Variants in DYNC1LI1 observed in about 807,000 individuals in gnomAD.
The protein encoded by DYNC1LI1 is cytoplasmic dynein 1 light intermediate chain 1.
Under a neutral mutation model 63.8 loss-of-function variants are expected in DYNC1LI1, and 19 were observed. The ratio of observed to expected loss-of-function variants is 0.30; its 90% CI spans 0.21 to 0.44. The LOEUF (loss-of-function observed/expected upper bound fraction) is 0.44. Ranked by LOEUF, DYNC1LI1 falls within the 20% of genes least tolerant of loss-of-function variation. The probability of loss-of-function intolerance (pLI) is 1.00; values close to 1 mark genes in which losing one functional copy is unlikely to be tolerated. For synonymous variants in DYNC1LI1, 225 were observed against 232.3 expected (o/e 0.97, Z 0.28); for missense variants, 565 against 630.2 (o/e 0.90, Z 1.11).
intron 2 of DYNC1LI1, among the ~76,000 whole-genome samples, chr3:32,567,146 G>A (rs1330229676): frequency 1.3e-5 from 2 of 152,192 alleles, no homozygotes; most frequent in African/African-American, 4.8e-5. Flanking sequence ...TCTCTCCCTT[G>A]CAGGAACTTC....
intron 2 of DYNC1LI1, among the ~76,000 whole-genome samples, chr3:32,561,490 G>GT (rs993913891): frequency 1.3e-5 from 2 of 151,996 alleles, no homozygotes; most frequent in African/African-American, 4.8e-5. Context: ...TTAGCCAGGC[G>GT]TGGTGGCACA....
In DYNC1LI1 at chr3:32,526,881, G is replaced by A; in HGVS notation, c.1490C>T (p.Ala497Val). Reference protein sequence around the residue: ...SGQKPVLDVHAELDRITRKPV... With the variant: ...SGQKPVLDVHVELDRITRKPV... ...TTTTCGTGTAATTCTGTCTAGTTCTGCATGAACATCTAAGACAGGCTTCTG... is the reference window on the plus strand; with the variant it reads ...TTTTCGTGTAATTCTGTCTAGTTCTACATGAACATCTAAGACAGGCTTCTG... Residue 497 changes from alanine (A) to valine (V), a missense_variant, in exon 13 of 13, where the codon GCA becomes GTA. Coordinates refer to ENST00000273130, the MANE Select transcript of DYNC1LI1 (RefSeq NM_016141.4). 1 of 1,613,622 alleles carries A rather than the reference G, an allele frequency of 6.2e-7. No individual in the cohort carries two copies.
At chr3:32,550,684 C>A (rs1698025178) in intron 2 of DYNC1LI1, among the ~76,000 whole-genome samples, 1 of 152,178 alleles carries the variant, frequency 6.6e-6, no homozygotes, top group African/African-American at 2.4e-5. Context: ...TATAAGGTAT[C>A]AGAATCACCT....
At chr3:32,544,447 C>A (rs1369300982) in intron 4 of DYNC1LI1, among the ~76,000 whole-genome samples, 1 of 152,090 alleles carries the variant, frequency 6.6e-6, no homozygotes, top group African/African-American at 2.4e-5. Context: ...ATATTAAAAC[C>A]TAGCACATCA....
intron 6 of DYNC1LI1, among the ~76,000 whole-genome samples, chr3:32,535,261 C>G (rs116148191): frequency 0.014 from 2,134 of 152,300 alleles, 44 homozygotes; most frequent in African/African-American, 0.049. Flanking sequence ...TGTATTAAAG[C>G]AGAGCCTAAC....
At chr3:32,536,163 T>C (rs1697771314) in intron 6 of DYNC1LI1, among the ~76,000 whole-genome samples, 1 of 152,206 alleles carries the variant, frequency 6.6e-6, no homozygotes, top group South Asian at 2.1e-4. Flanking sequence ...TTTCTTTAAG[T>C]GGTCCTTAAA....
intron 5 of DYNC1LI1, among the ~76,000 whole-genome samples, chr3:32,538,061 AATTTATTAT>A (rs1436010874): frequency 5.3e-5 from 4 of 75,864 alleles, no homozygotes; most frequent in Admixed American, 4.6e-4. Flanking sequence ...ATATATATAT[AATTTATTAT>A]ATATATATAT....
chr3:32,526,732 G>T lies in DYNC1LI1; in HGVS notation c.*67C>A. The T allele has an allele frequency of 1.6e-6, 2 of 1,224,660 alleles. No homozygotes were observed. The highest frequency in any genetic ancestry group is 2.4e-6 in the Non-Finnish European group (2 of 841,348). 75.9% of individuals were successfully genotyped at this position (1,224,660 alleles called of 1,614,324 possible). On this transcript the variant is annotated 3_prime_UTR_variant, in exon 13 of 13. Coordinates refer to ENST00000273130, the MANE Select transcript of DYNC1LI1 (RefSeq NM_016141.4). ...ACTCCAGCTTTCTAATTCCACTTTT[G>T]AAGGAAAAGGCAGAGGCATGTTTAC...
At chr3:32,558,205 C>CG (rs2125443711) in intron 2 of DYNC1LI1, among the ~76,000 whole-genome samples, 1 of 152,102 alleles carries the variant, frequency 6.6e-6, no homozygotes, top group Admixed American at 6.5e-5. Context: ...TGCTCTCCAG[C>CG]CTGGGCAACA....
At chr3:32,540,658 G>A (rs1166857081) in intron 5 of DYNC1LI1, among the ~76,000 whole-genome samples, 1 of 142,984 alleles carries the variant, frequency 7.0e-6, no homozygotes, top group Non-Finnish European at 1.5e-5. Context: ...TCCAGCCTGG[G>A]CAACAAGAGC....
rs771839552 is a variant in DYNC1LI1 at position 32,528,484 on chromosome 3, C to G, written c.1424G>C (p.Gly475Ala). The part of the protein sequence containing the change: ...SGGSPAGGAG[G>A]GSSGLPPSTK... ...GGATGGTGGTAAACCACTGCTTCCA[C>G]CTCCAGCCCCACCTGCAGGGCTACC... The change falls in exon 12 of 13, where the codon GGT (glycine) becomes GCT (alanine). Residue 475 changes from glycine (G) to alanine (A), a missense_variant. Transcript: ENST00000273130. 3 of 1,614,194 alleles carry G rather than the reference C, an allele frequency of 1.9e-6. No individual in the cohort carries two copies. In the Admixed American group the frequency reaches 5.0e-5, roughly 27 times the overall value.
At chr3:32,561,781 T>C (rs778929643) in intron 2 of DYNC1LI1, among the ~76,000 whole-genome samples, 12 of 152,004 alleles carry the variant, frequency 7.9e-5, no homozygotes, top group Non-Finnish European at 1.3e-4. Context: ...TAATAATCTG[T>C]CTACCAATCC....
At chr3:32,528,327 C>T in intron 12 of DYNC1LI1, 119 bp downstream of exon 12, 1 of 1,079,796 alleles carries the variant, frequency 9.3e-7, no homozygotes, top group Admixed American at 2.2e-5. Context: ...ATGGTGATGG[C>T]CTGCCCAACT....
Position 32,526,513 on chromosome 3 carries a change from T to C in DYNC1LI1, c.*286A>G, listed in dbSNP as rs1281044739. On this transcript the variant is annotated 3_prime_UTR_variant, in exon 13 of 13. Transcript: ENST00000273130. ...AGCCTTTAGAATATGATCGATCACATGGCTGTATTTCAGATCTAAAAGTTT... is the reference window on the plus strand; with the variant it reads ...AGCCTTTAGAATATGATCGATCACACGGCTGTATTTCAGATCTAAAAGTTT... The C allele has an allele frequency of 1.3e-5, 3 of 231,080 alleles. No individual in the cohort carries two copies. The highest frequency in any genetic ancestry group is 1.7e-5 in the Non-Finnish European group (2 of 116,932). 14.3% of individuals were successfully genotyped at this position (231,080 alleles called of 1,614,324 possible). A position where few individuals can be genotyped will look rare whatever the true frequency, so the allele number is the denominator to read the frequency against.
chr3:32,561,020 AAAAAAAAAAAAAACAAAC>A, intron 2 of DYNC1LI1, among the ~76,000 whole-genome samples: 1 of 111,700 alleles, frequency 9.0e-6, no homozygotes, highest in Non-Finnish European at 1.8e-5. Context: ...AAAAAAAAAA[AAAAAAAAAAAAAACAAAC>A]AAAAAAAACA....
intron 2 of DYNC1LI1, among the ~76,000 whole-genome samples, chr3:32,551,261 G>A (rs1698034720): frequency 6.6e-6 from 1 of 152,168 alleles, no homozygotes; most frequent in South Asian, 2.1e-4. Flanking sequence ...TAACGCTTTA[G>A]TCAAATCTTG....
chr3:32,528,640 C>T (rs375097610), intron 11 of DYNC1LI1, 39 bp from the exon 12 acceptor site: 3 of 1,555,572 alleles, frequency 1.9e-6, no homozygotes, highest in Non-Finnish European at 2.6e-6. Context: ...TTAGCCAAAA[C>T]ATAAGATTCT....
chr3:32,526,833 G>A lies in DYNC1LI1; in HGVS notation c.1538C>T (p.Thr513Ile). Residue 513 changes from threonine (T) to isoleucine (I), a missense_variant, in exon 13 of 13, where the codon ACA (threonine) becomes ATA (isoleucine). Physicochemically the swap from Thr to Ile is moderately conservative, Grantham distance 89. Transcript: ENST00000273130. ...TRKPVTVSPTTPTSPTEGEAS is the reference protein window; with the variant it reads ...TRKPVTVSPTIPTSPTEGEAS ...TTCTCCTTCCGTAGGAGATGTAGGT[G>A]TTGTGGGAGAAACTGTAACTGGTTT... The A allele has an allele frequency of 6.2e-7, 1 of 1,613,692 alleles. No homozygotes were observed. Among genetic ancestry groups the A allele is most frequent in the Non-Finnish European group, 8.5e-7 (1 of 1,179,610 alleles).
rs1236298895 is a variant in DYNC1LI1, at chr3:32,550,388, G to A, written c.221-4423C>T. 4.6e-5 allele frequency among the ~76,000 whole-genome samples: 7 copies of A among 152,114 alleles called. No homozygotes were observed. The East Asian group carries it at 1.3e-3, about 29-fold the overall frequency. On this transcript the variant is annotated intron_variant, in intron 2 of 12. Transcript: ENST00000273130. ...GGAAGTTGCAGTGAGCTGAGATTGC[G>A]CCATTGCACTCCAGCCTAGGCAGCA...
Sources: allele counts gnomAD v4.1 joint callset (sites outside exome capture counted in the v4.1 genomes callset), GRCh38; gene constraint gnomAD v4.1.1; transcripts MANE v1.5; gene names NCBI Gene and HGNC (gene_info 2026-07-23, HGNC 2026-07-21).